Variants in LIMS1 observed in about 807,000 individuals in gnomAD.
LIMS1 encodes the protein LIM and senescent cell antigen-like-containing domain protein 1.
In LIMS1, 18 loss-of-function variants were observed where a neutral mutation model predicts 44.1. The ratio of observed to expected loss-of-function variants is 0.41; its 90% CI spans 0.28 to 0.61. The LOEUF is 0.61. LIMS1 is among the 20% of genes least tolerant of loss of function. The pLI, the probability that LIMS1 is intolerant of heterozygous loss-of-function variation, is 0.32. For synonymous variants in LIMS1, 93 were observed against 149.1 expected, an observed-to-expected ratio of 0.62 and a Z score of 2.74; for missense variants, 201 against 422.0, an observed-to-expected ratio of 0.48 and a Z score of 4.59.
exon 10 of LIMS1, chr2:108,684,095 A>G (rs1693186155): frequency 3.2e-6 from 2 of 633,552 alleles, no homozygotes; most frequent in African/African-American, 1.9e-5. Context: ...AAAGCAGTTG[A>G]GAGAAGAGGA....
chr2:108,638,254 G>A (rs1313450046), intron 1 of LIMS1, among the ~76,000 whole-genome samples: 1 of 152,224 alleles, frequency 6.6e-6, no homozygotes, highest in Non-Finnish European at 1.5e-5. Flanking sequence ...CTGATTGATC[G>A]AGCTGTCTTT....
At chr2:108,644,690 A>G (rs1194678956) in intron 1 of LIMS1, among the ~76,000 whole-genome samples, 1 of 152,012 alleles carries the variant, frequency 6.6e-6, no homozygotes, top group African/African-American at 2.4e-5. Flanking sequence ...GTAGGTAATA[A>G]CAAACTCCTC....
At chr2:108,568,600 CCTTA>C (rs1267559138) in intron 1 of LIMS1, among the ~76,000 whole-genome samples, 1 of 152,158 alleles carries the variant, frequency 6.6e-6, no homozygotes, top group African/African-American at 2.4e-5. Context: ...TGAAGAACCA[CCTTA>C]CTGTTTTCCA....
chr2:108,650,454 G>C (rs1253316981), intron 1 of LIMS1, among the ~76,000 whole-genome samples: 1 of 130,846 alleles, frequency 7.6e-6, no homozygotes, highest in Non-Finnish European at 1.6e-5. Context: ...TTTTGCTCTT[G>C]TTGCCCAGGC....
chr2:108,543,925 C>T (rs561746291), intron 1 of LIMS1, among the ~76,000 whole-genome samples: 1 of 152,254 alleles, frequency 6.6e-6, no homozygotes, highest in South Asian at 2.1e-4. Flanking sequence ...CAGGAAGAGT[C>T]CCAGCTACTC....
At chr2:108,659,063 C>T in intron 1 of LIMS1, 6 of 446,332 alleles carry the variant, frequency 1.3e-5, no homozygotes, top group Non-Finnish European at 1.8e-5. Flanking sequence ...GATTAGGTAA[C>T]AGGACTGGGG....
chr2:108,662,148 C>A, intron 2 of LIMS1: 3 of 1,611,658 alleles, frequency 1.9e-6, no homozygotes, highest in Non-Finnish European at 2.5e-6. Context: ...CCTTATATCC[C>A]TGGCTTGCTC....
chr2:108,648,196 G>C (rs1332597084), intron 1 of LIMS1, among the ~76,000 whole-genome samples: 1 of 152,162 alleles, frequency 6.6e-6, no homozygotes, highest in Non-Finnish European at 1.5e-5. Flanking sequence ...GCCAAATCAT[G>C]AGTAAACTCC....
intron 1 of LIMS1, among the ~76,000 whole-genome samples, chr2:108,623,724 T>C (rs1688394897): frequency 1.3e-5 from 2 of 152,238 alleles, no homozygotes; most frequent in Admixed American, 1.3e-4. Context: ...TCATACTGTC[T>C]CAAGTATTGC....
chr2:108,567,298 G>A (rs1157640983), intron 1 of LIMS1, among the ~76,000 whole-genome samples: 10 of 152,104 alleles, frequency 6.6e-5, no homozygotes, highest in Non-Finnish European at 1.5e-5. Flanking sequence ...CAGTGTGAGT[G>A]GGTGTGGCTG....
chr2:108,646,549 C>G lies in LIMS1; in HGVS notation c.33-13056C>G, dbSNP rs534488279. Among the ~76,000 whole-genome samples the G allele has an allele frequency of 4.7e-3, 714 of 152,038 alleles. 5 individuals carry two copies. The highest frequency in any genetic ancestry group is 7.9e-3 in the Non-Finnish European group (537 of 67,988). On this transcript the variant is annotated intron_variant, in intron 1 of 9. Coordinates refer to ENST00000544547, the Ensembl canonical transcript of LIMS1. The stretch of plus-strand genomic sequence containing the variant: ...AGCAGGAAAGATCTAAAATCGACAC[C>G]CTAACATCACAATTAAAAGAACTGG...
intron 1 of LIMS1, among the ~76,000 whole-genome samples, chr2:108,577,812 T>A (rs548180303): frequency 6.6e-6 from 1 of 152,224 alleles, no homozygotes; most frequent in Non-Finnish European, 1.5e-5. Flanking sequence ...AAAATGAAAA[T>A]CTATTTTTTC....
chr2:108,654,999 A>G (rs1690753245), intron 1 of LIMS1: 1 of 1,593,802 alleles, frequency 6.3e-7, no homozygotes, highest in African/African-American at 1.3e-5. Flanking sequence ...GGAAGCAGGG[A>G]GGCCTGGATA....
At chr2:108,638,007 C>T (rs563066618) in intron 1 of LIMS1, among the ~76,000 whole-genome samples, 5 of 152,098 alleles carry the variant, frequency 3.3e-5, no homozygotes, top group African/African-American at 4.8e-5. Flanking sequence ...TGCATGCCAC[C>T]GTGCCCGGCT....
chr2:108,661,336 C>CTT (rs200878283), intron 2 of LIMS1, among the ~76,000 whole-genome samples: 4,299 of 146,192 alleles, frequency 0.029, 104 homozygotes, highest in African/African-American at 0.063. Context: ...TCTTCTAGTT[C>CTT]TTTTTTTTTT....
At chr2:108,605,968 C>G (rs1687248209) in intron 1 of LIMS1, among the ~76,000 whole-genome samples, 1 of 152,228 alleles carries the variant, frequency 6.6e-6, no homozygotes, top group Non-Finnish European at 1.5e-5. Context: ...AGAGGTGAAG[C>G]TGGCAACCAG....
chr2:108,620,350 A>G (rs575059172), intron 1 of LIMS1, among the ~76,000 whole-genome samples: 2 of 152,332 alleles, frequency 1.3e-5, no homozygotes, highest in South Asian at 2.1e-4. Flanking sequence ...TCCTAGAACC[A>G]TTTAGTCAAA....
At chr2:108,595,750 G>C (rs1345319516) in intron 1 of LIMS1, among the ~76,000 whole-genome samples, 2 of 152,138 alleles carry the variant, frequency 1.3e-5, no homozygotes, top group Non-Finnish European at 2.9e-5. Flanking sequence ...AAAAACATTA[G>C]AATTAGAGTC....
intron 1 of LIMS1, among the ~76,000 whole-genome samples, chr2:108,568,734 G>A (rs1356211629): frequency 6.6e-6 from 1 of 152,208 alleles, no homozygotes; most frequent in Non-Finnish European, 1.5e-5. Context: ...TGTAATGGGT[G>A]TGAGGTGATG....
Sources: allele counts gnomAD v4.1 joint callset (sites outside exome capture counted in the v4.1 genomes callset), GRCh38; gene constraint gnomAD v4.1.1; transcripts MANE v1.5; gene names NCBI Gene and HGNC (gene_info 2026-07-23, HGNC 2026-07-21).